Variants in MAGI1 observed in about 807,000 individuals in gnomAD.
The protein encoded by MAGI1 is membrane associated guanylate kinase, WW and PDZ domain containing 1.
A neutral mutation model predicts 139.9 loss-of-function variants in MAGI1; 58 were observed. That is an observed-to-expected ratio of 0.41 (90% CI 0.34 to 0.52). The LOEUF (loss-of-function observed/expected upper bound fraction) is 0.52. Ranked by LOEUF, MAGI1 falls within the 20% of genes least tolerant of loss-of-function variation. The pLI is 0.12. For synonymous variants in MAGI1, 812 were observed against 737.9 expected, an observed-to-expected ratio of 1.10 and a Z score of -1.63; for missense variants, 1,874 against 1,901.6, an observed-to-expected ratio of 0.99 and a Z score of 0.27.
intron 17 of MAGI1, among the ~76,000 whole-genome samples, 194 bp from the exon 18 acceptor site, chr3:65,376,139 C>A (rs1575556368): frequency 1.3e-5 from 2 of 152,202 alleles, no homozygotes; most frequent in African/African-American, 4.8e-5. Flanking sequence ...TAAGGAGCTA[C>A]TGCCCTGAAA....
At chr3:65,920,488 T>C (rs2062123846) in intron 1 of MAGI1, among the ~76,000 whole-genome samples, 1 of 152,212 alleles carries the variant, frequency 6.6e-6, no homozygotes, top group Admixed American at 6.5e-5. Context: ...GGTGAAAACC[T>C]AATCTCTCTT....
intron 22 of MAGI1, chr3:65,359,940 T>C (rs1940634398): frequency 1.0e-6 from 1 of 985,400 alleles, no homozygotes; most frequent in Non-Finnish European, 1.2e-6. Flanking sequence ...GTGGTATCAA[T>C]ACACCTAATG....
At chr3:65,509,972 GCCT>G in intron 2 of MAGI1, among the ~76,000 whole-genome samples, 1 of 152,284 alleles carries the variant, frequency 6.6e-6, no homozygotes, top group Non-Finnish European at 1.5e-5. Flanking sequence ...CCGGCAGACT[GCCT>G]CCTCAAGTGG....
rs192901781 is a variant in MAGI1 at position 65,461,681 on chromosome 3, G to C, written c.960-8341C>G. Among the ~76,000 whole-genome samples, 60 of 145,000 alleles carry C rather than the reference G, an allele frequency of 4.1e-4. No individual in the cohort carries two copies. In the East Asian group the frequency reaches 0.012, roughly 29 times the overall value. On this transcript the variant is annotated intron_variant, in intron 5 of 22. Transcript: ENST00000402939. ...TTTTCTGTATTTTTAGTACAGATGG[G>C]GTTTCACCGTATTAGCCAGGATGGT... is the stretch of plus-strand genomic sequence containing the variant.
chr3:65,994,335 C>T (rs931538140), intron 1 of MAGI1, among the ~76,000 whole-genome samples: 2 of 150,578 alleles, frequency 1.3e-5, no homozygotes, highest in Admixed American at 1.3e-4. Flanking sequence ...TTCCAAGATG[C>T]AATGCTCTAG....
intron 1 of MAGI1, among the ~76,000 whole-genome samples, chr3:65,927,031 T>G (rs2062561552): frequency 1.3e-5 from 2 of 152,256 alleles, no homozygotes; most frequent in South Asian, 4.2e-4. Flanking sequence ...AACCCTCAGT[T>G]GCAGGAATTG....
chr3:65,731,953 T>C (rs1486701381), intron 1 of MAGI1, among the ~76,000 whole-genome samples: 1 of 152,224 alleles, frequency 6.6e-6, no homozygotes, highest in East Asian at 1.9e-4. Flanking sequence ...AGTTGATTAC[T>C]TGTGGTTCTG....
chr3:65,779,070 A>T (rs1363435555), intron 1 of MAGI1, among the ~76,000 whole-genome samples: 20 of 152,254 alleles, frequency 1.3e-4, no homozygotes, highest in Admixed American at 1.2e-3. Flanking sequence ...ATAGGAAAAG[A>T]AACCCTGTAG....
chr3:65,353,633 C>G lies in MAGI1; in HGVS notation c.*2745G>C, dbSNP rs982327729. 2 of 152,154 alleles carry G rather than the reference C, an allele frequency of 1.3e-5. No homozygotes were observed. Among genetic ancestry groups the G allele is most frequent in the Non-Finnish European group, 2.9e-5 (2 of 68,042 alleles). 9.4% of individuals were successfully genotyped at this position (152,154 alleles called of 1,614,324 possible). On this transcript the variant is annotated 3_prime_UTR_variant, in exon 23 of 23. Coordinates refer to ENST00000402939, the MANE Select transcript of MAGI1 (RefSeq NM_001033057.2). ...ACAATTAGGGTGTTGAGTCCTCCCC[C>G]CCAACATTCTTTCAGGCATCAACTG...
chr3:65,551,523 A>G (rs2079831877), intron 2 of MAGI1, among the ~76,000 whole-genome samples: 1 of 151,916 alleles, frequency 6.6e-6, no homozygotes, highest in African/African-American at 2.4e-5. Context: ...GATGGTCTCG[A>G]TTTCCTGACC....
At chr3:65,531,272 A>G (rs952052074) in intron 2 of MAGI1, among the ~76,000 whole-genome samples, 1 of 152,068 alleles carries the variant, frequency 6.6e-6, no homozygotes, top group Non-Finnish European at 1.5e-5. Context: ...TAGGGTTGTC[A>G]TCTGAGCAAC....
intron 1 of MAGI1, among the ~76,000 whole-genome samples, chr3:65,815,036 T>C (rs895479152): frequency 6.7e-6 from 1 of 149,660 alleles, no homozygotes; most frequent in Admixed American, 6.7e-5. Context: ...CAGCTGTATT[T>C]CTAAGTCCTG....
chr3:65,509,539 G>A (rs1250544668), intron 2 of MAGI1, among the ~76,000 whole-genome samples: 5 of 152,184 alleles, frequency 3.3e-5, no homozygotes, highest in Non-Finnish European at 5.9e-5. Context: ...AAAGAAAGGG[G>A]TGACGGACGC....
intron 2 of MAGI1, among the ~76,000 whole-genome samples, chr3:65,548,511 C>CTTTTTTTTTTTTTTTTTTTTTTTT (rs1170215972): frequency 2.3e-5 from 2 of 87,386 alleles, no homozygotes; most frequent in African/African-American, 4.7e-5. Context: ...AAACAACACT[C>CTTTTTTTTTTTTTTTTTTTTTTTT]TTTTTTTTTT....
intron 2 of MAGI1, among the ~76,000 whole-genome samples, chr3:65,530,820 C>T (rs1309395834): frequency 1.1e-5 from 1 of 92,886 alleles, no homozygotes; most frequent in African/African-American, 4.5e-5. Context: ...CATATATATA[C>T]ACGTATATAT....
At chr3:65,716,762 G>T (rs2032302397) in intron 1 of MAGI1, among the ~76,000 whole-genome samples, 1 of 152,170 alleles carries the variant, frequency 6.6e-6, no homozygotes, top group Non-Finnish European at 1.5e-5. Flanking sequence ...ACCCATCACT[G>T]ACCAGGCTTT....
chr3:65,425,080 G>GA (rs1322375529), intron 12 of MAGI1, among the ~76,000 whole-genome samples: 235 of 39,192 alleles, frequency 6.0e-3, no homozygotes, highest in African/African-American at 0.02. Context: ...AAGAGAAGAA[G>GA]AAAAAAAAAA....
chr3:65,431,521 C>T (rs1947451047), intron 10 of MAGI1, among the ~76,000 whole-genome samples: 1 of 152,068 alleles, frequency 6.6e-6, no homozygotes, highest in African/African-American at 2.4e-5. Flanking sequence ...ATAGCCAACG[C>T]ATGCCTAGGG....
At chr3:66,024,419 G>C (rs967961639) in intron 1 of MAGI1, among the ~76,000 whole-genome samples, 1 of 151,240 alleles carries the variant, frequency 6.6e-6, no homozygotes. Context: ...GGCAGCAAGA[G>C]GCCAAAGCAG....
Sources: gnomAD v4.1 joint callset for allele counts (sites outside exome capture counted in the v4.1 genomes callset) on GRCh38, gnomAD v4.1.1 for gene constraint, MANE v1.5 for transcripts, NCBI Gene and HGNC (gene_info 2026-07-23, HGNC 2026-07-21) for gene names.